The following SMG5 variants were observed in gnomAD, a reference collection of about 807,000 sequenced individuals.
SMG5 encodes nonsense-mediated mRNA decay factor SMG5.
In SMG5, 53 loss-of-function variants were observed where a neutral mutation model predicts 122.9. The ratio of observed to expected loss-of-function variants is 0.43; its 90% CI spans 0.35 to 0.54. SMG5 has a LOEUF of 0.54. Among genes scored for constraint, SMG5 ranks in the 20% least tolerant of loss-of-function variants. SMG5 has a pLI of 0.01. For missense variants in SMG5, 1,153 were observed against 1,285.6 expected (o/e 0.90, Z 1.58); for synonymous variants, 477 against 490.2 (o/e 0.97, Z 0.35).
chr1:156,267,700 AG>A, intron 9 of SMG5, 22 bp from the exon 10 acceptor site: 1 of 1,559,150 alleles, frequency 6.4e-7, no homozygotes, highest in Non-Finnish European at 8.7e-7. Flanking sequence ...CAGGAGTAAC[AG>A]GGGAGGTCAG....
intron 6 of SMG5, among the ~76,000 whole-genome samples, chr1:156,272,687 C>T (rs1309557627): frequency 1.3e-5 from 2 of 152,054 alleles, no homozygotes; most frequent in Admixed American, 1.3e-4. Flanking sequence ...ATTCTCCTGC[C>T]TCAGCCTCTC....
chr1:156,250,778 T>C (rs759349478), intron 21 of SMG5, 80 bp downstream of exon 21: 4 of 1,604,956 alleles, frequency 2.5e-6, no homozygotes, highest in Non-Finnish European at 3.4e-6. Flanking sequence ...AAGGTAGCTA[T>C]GTGGAGGGTC....
intron 19 of SMG5, among the ~76,000 whole-genome samples, chr1:156,251,808 G>A (rs1334848589): frequency 6.6e-6 from 1 of 152,248 alleles, no homozygotes; most frequent in East Asian, 1.9e-4. Context: ...AGCAGATGCA[G>A]AGGAGGGGGT....
intron 16 of SMG5, among the ~76,000 whole-genome samples, chr1:156,254,318 T>C (rs1013913608): frequency 6.6e-6 from 1 of 152,174 alleles, no homozygotes; most frequent in African/African-American, 2.4e-5. Flanking sequence ...TGCTTAAAAG[T>C]TTTCTGATGC....
intron 12 of SMG5, among the ~76,000 whole-genome samples, 194 bp downstream of exon 12, chr1:156,265,587 G>A (rs1662087624): frequency 6.6e-6 from 1 of 152,198 alleles, no homozygotes; most frequent in Non-Finnish European, 1.5e-5. Flanking sequence ...CAAATGGGTT[G>A]GGAGATGGGA....
In SMG5 at chr1:156,263,532, T is replaced by C; in HGVS notation, c.1894A>G (p.Ser632Gly). The C allele has an allele frequency of 6.2e-7, 1 of 1,614,188 alleles. No individual in the cohort carries two copies. The highest frequency in any genetic ancestry group is 1.3e-5 in the African/African-American group (1 of 75,060). ...CGCTCATTCCGACAGGAGCGTCCAC[T>C]GGACTCACTCCCCTCCGACTCAGAG... ...EGSESEGSESSGRSCRNERSI... is the reference protein window; with the variant it reads ...EGSESEGSESGGRSCRNERSI... Residue 632 changes from serine (S) to glycine (G), a missense_variant, in exon 13 of 22, where the codon AGT (serine) becomes GGT (glycine). Around this residue, in one of 5 missense-constraint regions of SMG5, gnomAD observed 631 missense variants for 650.6 expected, o/e 0.97. Coordinates refer to ENST00000361813, the MANE Select transcript of SMG5 (RefSeq NM_015327.3).
At position 156,268,093 on chromosome 1, in the gene SMG5, GTTCA is replaced by G; in HGVS notation, c.908+18_908+21del. The G allele has an allele frequency of 6.2e-7, 1 of 1,613,062 alleles. No individual in the cohort carries two copies. The highest frequency in any genetic ancestry group is 1.1e-5 in the South Asian group (1 of 90,996). On this transcript the variant is annotated intron_variant, in intron 9 of 21. Transcript: ENST00000361813. ...GGCTGGGGCTCACAGGATAGTTCAG[GTTCA>G]TGCTCTCTTCCACTCACCTGCTTTT...
upstream of SMG5, chr1:156,286,012 G>A (rs758394237): frequency 1.1e-5 from 18 of 1,577,456 alleles, no homozygotes; most frequent in Middle Eastern, 1.7e-4. Flanking sequence ...AGGGGGCATC[G>A]GGAAGTGGAC....
chr1:156,252,856 T>C, intron 18 of SMG5, 63 bp downstream of exon 18: 2 of 1,453,810 alleles, frequency 1.4e-6, no homozygotes, highest in Non-Finnish European at 9.1e-7. Context: ...TAAGGTCTCT[T>C]AATCCCAAGC....
chr1:156,281,170 T>C (rs974409695), intron 1 of SMG5, among the ~76,000 whole-genome samples: 1 of 152,236 alleles, frequency 6.6e-6, no homozygotes, highest in Non-Finnish European at 1.5e-5. Context: ...CTCAAATTTC[T>C]ACCCTGCTCA....
At chr1:156,254,135 C>G (rs138332663) in intron 16 of SMG5, among the ~76,000 whole-genome samples, 95 of 152,296 alleles carry the variant, frequency 6.2e-4, no homozygotes, top group African/African-American at 1.8e-3. Flanking sequence ...ATTGTGCCCC[C>G]CTAAACAGCA....
chr1:156,252,542 T>C (rs772331599), intron 18 of SMG5, 38 bp from the exon 19 acceptor site: 9 of 1,600,910 alleles, frequency 5.6e-6, no homozygotes, highest in Non-Finnish European at 7.7e-6. Flanking sequence ...ACAGATAAGC[T>C]CAGACTGCTG....
intron 16 of SMG5, among the ~76,000 whole-genome samples, chr1:156,255,855 G>T (rs1661555918): frequency 6.6e-6 from 1 of 152,054 alleles, no homozygotes; most frequent in Non-Finnish European, 1.5e-5. Flanking sequence ...GTGAGCTATG[G>T]TCATGCCACT....
upstream of SMG5, chr1:156,286,598 G>T: frequency 1.1e-6 from 1 of 925,480 alleles, no homozygotes; most frequent in Non-Finnish European, 1.6e-6. Flanking sequence ...TGTGTGCCCT[G>T]GGGAGATAAG....
chr1:156,259,313 G>A (rs1369723545), intron 15 of SMG5, 150 bp from the exon 16 acceptor site: 3 of 803,938 alleles, frequency 3.7e-6, no homozygotes, highest in South Asian at 2.2e-5. Context: ...TGTGGTCTAT[G>A]GGGTGGGAAG....
intron 3 of SMG5, 143 bp downstream of exon 3, chr1:156,277,782 G>T: frequency 9.4e-7 from 1 of 1,063,554 alleles, no homozygotes; most frequent in Admixed American, 1.9e-5. Context: ...AAAGTGCTGG[G>T]ATTACACGCA....
chr1:156,262,580 C>T (rs1219698607), intron 13 of SMG5, among the ~76,000 whole-genome samples: 2 of 151,936 alleles, frequency 1.3e-5, no homozygotes, highest in Non-Finnish European at 2.9e-5. Context: ...GGCTTCTCTA[C>T]GTCTAGCAGT....
Position 156,268,186 on chromosome 1 carries a change from G to A in SMG5, c.840-3C>T, listed in dbSNP as rs760146683. On this transcript the variant is annotated splice_region_variant and splice_polypyrimidine_tract_variant and intron_variant, in intron 8 of 21. Coordinates refer to ENST00000361813, the MANE Select transcript of SMG5 (RefSeq NM_015327.3). ...GCAACCTTTTAATGTCTTTACATCTGAAATGAGAAGAGCCCAAAGTAAATG... is the reference window on the plus strand; with the variant it reads ...GCAACCTTTTAATGTCTTTACATCTAAAATGAGAAGAGCCCAAAGTAAATG... 2.5e-6 allele frequency: 4 copies of A among 1,614,074 alleles called. No individual in the cohort carries two copies. Among genetic ancestry groups the A allele is most frequent in the Admixed American group, 1.7e-5 (1 of 59,996 alleles).
Position 156,250,255 on chromosome 1 carries a change from C to G in SMG5, c.*332G>C. 1 of 390,226 alleles carries G rather than the reference C, an allele frequency of 2.6e-6. No individual in the cohort carries two copies. The highest frequency in any genetic ancestry group is 2.4e-5 in the South Asian group (1 of 42,366). 24.2% of individuals were successfully genotyped at this position (390,226 alleles called of 1,614,324 possible). A position where few individuals can be genotyped will look rare whatever the true frequency, so the allele number is the denominator to read the frequency against. Reference sequence around the variant, plus strand: ...TTGCTGTTCCTTCCCCTCAGAGATCCAAGAACCCATTCCAGTGAAATGCAG... The same window carrying G: ...TTGCTGTTCCTTCCCCTCAGAGATCGAAGAACCCATTCCAGTGAAATGCAG... On this transcript the variant is annotated 3_prime_UTR_variant, in exon 22 of 22. Transcript: ENST00000361813.
Sources: gnomAD v4.1 joint callset for allele counts (sites outside exome capture counted in the v4.1 genomes callset) on GRCh38, gnomAD v4.1.1 for gene constraint, gnomAD v4.1.1 regional missense constraint, MANE v1.5 for transcripts, NCBI Gene and HGNC (gene_info 2026-07-23, HGNC 2026-07-21) for gene names.